Variants in CNBD1 observed in about 807,000 individuals in gnomAD.
The protein encoded by CNBD1 is cyclic nucleotide-binding domain-containing protein 1.
Under a neutral mutation model 54.4 loss-of-function variants are expected in CNBD1, and 71 were observed. The observed-to-expected ratio is 1.30, with a 90% confidence interval of 1.08 to 1.59. CNBD1 has a LOEUF of 1.59. CNBD1 is among the 40% of genes most tolerant of loss of function. The probability of loss-of-function intolerance (pLI) is 0.00; values close to 1 mark genes in which losing one functional copy is unlikely to be tolerated. For missense variants in CNBD1, 659 were observed against 518.0 expected, an observed-to-expected ratio of 1.27 and a Z score of -2.64; for synonymous variants, 182 against 170.7, an observed-to-expected ratio of 1.07 and a Z score of -0.51.
At chr8:87,017,252 C>G (rs147666867) in intron 4 of CNBD1, among the ~76,000 whole-genome samples, 14 of 152,314 alleles carry the variant, frequency 9.2e-5, no homozygotes, top group Non-Finnish European at 2.1e-4. Context: ...ACCACTTTTA[C>G]TTAAATGCCT....
chr8:87,252,714 A>G (rs1035788796), intron 6 of CNBD1, among the ~76,000 whole-genome samples: 1 of 152,146 alleles, frequency 6.6e-6, no homozygotes, highest in African/African-American at 2.4e-5. Flanking sequence ...TCTTGCCTCT[A>G]AAGAGTTTAC....
At chr8:87,377,199 T>G (rs954715098) in intron 10 of CNBD1, among the ~76,000 whole-genome samples, 1 of 151,344 alleles carries the variant, frequency 6.6e-6, no homozygotes, top group Non-Finnish European at 1.5e-5. Flanking sequence ...ATGTGCACAT[T>G]GTGCAGGTTA....
intron 4 of CNBD1, among the ~76,000 whole-genome samples, chr8:87,049,688 G>A (rs987137352): frequency 4.6e-5 from 7 of 152,200 alleles, no homozygotes; most frequent in East Asian, 1.9e-4. Context: ...AGAGGAAAGT[G>A]CAGGGTTTAG....
At chr8:87,300,852 A>G (rs1253155799) in intron 8 of CNBD1, among the ~76,000 whole-genome samples, 1 of 152,148 alleles carries the variant, frequency 6.6e-6, no homozygotes, top group Non-Finnish European at 1.5e-5. Flanking sequence ...GACAACAAAT[A>G]AAATCTTTTG....
At chr8:86,984,693 G>A (rs1296633870) in intron 4 of CNBD1, among the ~76,000 whole-genome samples, 4 of 152,114 alleles carry the variant, frequency 2.6e-5, no homozygotes, top group Admixed American at 6.5e-5. Context: ...ACTTGCATGA[G>A]GCCTGCAGCA....
rs1228250468 is a variant in CNBD1, at chr8:87,286,650, A to G, written c.1021A>G (p.Lys341Glu). The change falls in exon 8 of 11, where the codon AAA becomes GAA. Residue 341 changes from lysine (K) to glutamate (E), a missense_variant. By Grantham distance (56) the Lys-to-Glu change is moderately conservative. Transcript: ENST00000518476. ...IYELIALLKW[K>E]KFPPGHVIVE... ...TGAGCTAATTGCACTCCTTAAATGG[A>G]AAAAATTTCCTCCAGGTCATGGTAA... is the stretch of plus-strand genomic sequence containing the variant. 1 of 1,542,460 alleles carries G rather than the reference A, an allele frequency of 6.5e-7. No homozygotes were observed. Among genetic ancestry groups the G allele is most frequent in the Non-Finnish European group, 8.8e-7 (1 of 1,140,140 alleles).
chr8:87,302,333 C>T (rs1809021164), intron 8 of CNBD1, among the ~76,000 whole-genome samples: 1 of 152,154 alleles, frequency 6.6e-6, no homozygotes, highest in South Asian at 2.1e-4. Context: ...GCTGGTTCAA[C>T]ATATGCAAAT....
intron 4 of CNBD1, among the ~76,000 whole-genome samples, chr8:87,079,210 GT>G (rs996999689): frequency 3.3e-5 from 5 of 151,760 alleles, no homozygotes; most frequent in Non-Finnish European, 7.4e-5. Flanking sequence ...ATAATGAATA[GT>G]TTTTTATTGT....
chr8:87,032,040 C>T lies in CNBD1; in HGVS notation c.431+92286C>T, dbSNP rs929841708. On this transcript the variant is annotated intron_variant, in intron 4 of 10. Coordinates refer to ENST00000518476, the MANE Select transcript of CNBD1 (RefSeq NM_173538.3). ...TACAGGCATGAGCCACAGTGCCCAG[C>T]CTAACCCTTCCTTTATATATCTCTA... Among the ~76,000 whole-genome samples the T allele has an allele frequency of 1.2e-4, 18 of 152,324 alleles. 2 individuals carry two copies. Among genetic ancestry groups the T allele is most frequent in the Admixed American group, 1.1e-3 (17 of 15,306 alleles).
intron 5 of CNBD1, among the ~76,000 whole-genome samples, chr8:87,223,375 A>T (rs893519629): frequency 1.3e-5 from 2 of 151,246 alleles, no homozygotes; most frequent in Non-Finnish European, 2.9e-5. Flanking sequence ...ATATCTCCCA[A>T]TGCTATCCCT....
At chr8:87,151,081 A>C (rs571189724) in intron 4 of CNBD1, among the ~76,000 whole-genome samples, 4 of 152,308 alleles carry the variant, frequency 2.6e-5, no homozygotes, top group African/African-American at 9.6e-5. Context: ...CAGATCTAAA[A>C]GGTGTTGCCA....
chr8:87,398,175 C>A (rs1267115761), intron 2 of CNBD1, among the ~76,000 whole-genome samples: 1 of 150,350 alleles, frequency 6.7e-6, no homozygotes, highest in Non-Finnish European at 1.5e-5. Flanking sequence ...TGCAAGGGTT[C>A]TCATGTTATA....
intron 3 of CNBD1, among the ~76,000 whole-genome samples, chr8:86,915,733 G>T (rs1039019106): frequency 1.3e-5 from 2 of 152,192 alleles, no homozygotes; most frequent in Non-Finnish European, 2.9e-5. Flanking sequence ...CTGGAATCCA[G>T]CTAATAATTA....
intron 4 of CNBD1, among the ~76,000 whole-genome samples, chr8:86,990,230 C>T (rs73271774): frequency 0.022 from 3,317 of 152,100 alleles, 111 homozygotes; most frequent in African/African-American, 0.074. Flanking sequence ...CATTTTGCTT[C>T]GGTTGTCTGT....
intron 1 of CNBD1, among the ~76,000 whole-genome samples, chr8:86,875,188 T>A (rs1808501997): frequency 6.6e-6 from 1 of 151,964 alleles, no homozygotes; most frequent in South Asian, 2.1e-4. Context: ...TTGTTTGTAA[T>A]CTATCTTCCA....
At chr8:86,943,365 C>CAAAAAAAAAAA (rs1158061860) in intron 4 of CNBD1, among the ~76,000 whole-genome samples, 9 of 32,578 alleles carry the variant, frequency 2.8e-4, no homozygotes, top group Non-Finnish European at 4.8e-4. Context: ...GACTCCATCT[C>CAAAAAAAAAAA]AAAAAAAAAA....
chr8:87,235,770 T>C (rs1807573246), intron 5 of CNBD1, among the ~76,000 whole-genome samples: 1 of 152,128 alleles, frequency 6.6e-6, no homozygotes, highest in Non-Finnish European at 1.5e-5. Context: ...ATGGTGCTGA[T>C]AGACTTGCTA....
chr8:87,397,700 G>A (rs895712610), intron 2 of CNBD1, among the ~76,000 whole-genome samples: 3 of 151,920 alleles, frequency 2.0e-5, no homozygotes, highest in Admixed American at 1.3e-4. Context: ...ATCACAAACT[G>A]ATGATTAAGT....
chr8:87,077,398 T>G (rs1258535207), intron 4 of CNBD1, among the ~76,000 whole-genome samples: 3 of 138,008 alleles, frequency 2.2e-5, no homozygotes, highest in African/African-American at 8.4e-5. Context: ...CTTAGGCCTC[T>G]TCTTCTTCTT....
Sources: gnomAD v4.1 joint callset for allele counts (sites outside exome capture counted in the v4.1 genomes callset) on GRCh38, gnomAD v4.1.1 for gene constraint, MANE v1.5 for transcripts, NCBI Gene and HGNC (gene_info 2026-07-23, HGNC 2026-07-21) for gene names.